Variants in SLC24A3 observed in about 807,000 individuals in gnomAD.
The protein encoded by SLC24A3 is solute carrier family 24 member 3, also known as sodium/potassium/calcium exchanger 3.
In SLC24A3, 28 loss-of-function variants were observed where a neutral mutation model predicts 75.8. That is an observed-to-expected ratio of 0.37 (90% CI 0.27 to 0.51). The LOEUF (loss-of-function observed/expected upper bound fraction) is 0.51, where lower values mean the gene tolerates loss of function less well. Among genes scored for constraint, SLC24A3 ranks in the 20% least tolerant of loss-of-function variants. The probability of loss-of-function intolerance (pLI) is 0.94; values close to 1 mark genes in which losing one functional copy is unlikely to be tolerated. For synonymous variants in SLC24A3, 372 were observed against 334.1 expected, an observed-to-expected ratio of 1.11 and a Z score of -1.24; for missense variants, 663 against 847.8, an observed-to-expected ratio of 0.78 and a Z score of 2.71.
intron 2 of SLC24A3, among the ~76,000 whole-genome samples, chr20:19,470,390 G>A (rs1987849701): frequency 6.6e-6 from 1 of 152,106 alleles, no homozygotes; most frequent in Admixed American, 6.5e-5. Context: ...TCTGAAAAGG[G>A]GGAGGGCTGA....
intron 2 of SLC24A3, among the ~76,000 whole-genome samples, chr20:19,326,164 A>G (rs1039426279): frequency 1.3e-5 from 2 of 151,940 alleles, no homozygotes; most frequent in African/African-American, 4.8e-5. Context: ...AGGGCCTGTA[A>G]GCAACAGATG....
chr20:19,530,197 A>C lies in SLC24A3; in HGVS notation c.348+14633A>C, dbSNP rs1407521553. Among the ~76,000 whole-genome samples the C allele has an allele frequency of 2.6e-5, 4 of 152,264 alleles. No homozygotes were observed. The East Asian group carries it at 7.7e-4, about 29-fold the overall frequency. On this transcript the variant is annotated intron_variant, in intron 3 of 16. Transcript: ENST00000328041. ...GCATGGAGACACAGCATGAAAGGGGAACGGAAGGGGTCTCCTGCACTGTAA... is the reference window on the plus strand; with the variant it reads ...GCATGGAGACACAGCATGAAAGGGGCACGGAAGGGGTCTCCTGCACTGTAA...
chr20:19,370,261 C>T (rs1462013285), intron 2 of SLC24A3, among the ~76,000 whole-genome samples: 1 of 152,180 alleles, frequency 6.6e-6, no homozygotes, highest in Non-Finnish European at 1.5e-5. Flanking sequence ...TCTGCTCACA[C>T]ATCATTTCCT....
chr20:19,457,473 T>C (rs1001235883), intron 2 of SLC24A3, among the ~76,000 whole-genome samples: 2 of 152,206 alleles, frequency 1.3e-5, no homozygotes, highest in Non-Finnish European at 2.9e-5. Flanking sequence ...TAAAAGAAAA[T>C]AGTATTTTTA....
chr20:19,705,005 G>A lies in SLC24A3; in HGVS notation c.1719+6325G>A, dbSNP rs535136758. ...CAAAGCACTGACAACTATTGCCAAA[G>A]CAAATCATGCCACAGCAGTCACCCA... On this transcript the variant is annotated intron_variant, in intron 15 of 16. Transcript: ENST00000328041. 3.9e-5 allele frequency among the ~76,000 whole-genome samples: 6 copies of A among 152,350 alleles called. No individual in the cohort carries two copies. In the South Asian group the frequency reaches 1.2e-3, roughly 32 times the overall value.
chr20:19,445,804 T>A (rs1318380916), intron 2 of SLC24A3, among the ~76,000 whole-genome samples: 1 of 152,152 alleles, frequency 6.6e-6, no homozygotes, highest in Non-Finnish European at 1.5e-5. Context: ...GGTGCTGACA[T>A]GGTCAAGGTG....
intron 2 of SLC24A3, among the ~76,000 whole-genome samples, chr20:19,405,156 A>G (rs186750339): frequency 6.6e-4 from 100 of 152,224 alleles, no homozygotes; most frequent in Middle Eastern, 3.4e-3. Flanking sequence ...TCTTAATTCC[A>G]AGGTGCAGTG....
intron 2 of SLC24A3, among the ~76,000 whole-genome samples, chr20:19,300,407 C>A (rs1984167147): frequency 6.6e-6 from 1 of 152,178 alleles, no homozygotes; most frequent in African/African-American, 2.4e-5. Context: ...TGGGTGAAGA[C>A]ACTTCCTAGG....
chr20:19,371,370 G>GAA (rs1985990176), intron 2 of SLC24A3, among the ~76,000 whole-genome samples: 1 of 92,858 alleles, frequency 1.1e-5, no homozygotes, highest in Non-Finnish European at 1.9e-5. Flanking sequence ...GGATCACCGA[G>GAA]CAGTCTGCTC....
intron 2 of SLC24A3, among the ~76,000 whole-genome samples, chr20:19,316,326 G>A (rs891346940): frequency 1.3e-5 from 2 of 152,228 alleles, no homozygotes; most frequent in Admixed American, 1.3e-4. Context: ...TAGAGCTGGA[G>A]TGAGAAGGGT....
chr20:19,569,270 C>T (rs2031011259), intron 3 of SLC24A3, among the ~76,000 whole-genome samples: 1 of 152,152 alleles, frequency 6.6e-6, no homozygotes, highest in African/African-American at 2.4e-5. Context: ...ATGCTTTGCA[C>T]GTACTTGTTT....
chr20:19,664,791 G>C (rs1311375440), intron 7 of SLC24A3, among the ~76,000 whole-genome samples: 1 of 152,196 alleles, frequency 6.6e-6, no homozygotes, highest in Non-Finnish European at 1.5e-5. Context: ...TGAGAAGAAA[G>C]AGCTATGAAC....
At chr20:19,497,903 T>C (rs1988319876) in intron 2 of SLC24A3, among the ~76,000 whole-genome samples, 1 of 152,118 alleles carries the variant, frequency 6.6e-6, no homozygotes, top group Non-Finnish European at 1.5e-5. Flanking sequence ...CCAGTACCAA[T>C]CCCTGGCCTG....
chr20:19,354,588 ATGTGTGTG>A (rs569362767), intron 2 of SLC24A3, among the ~76,000 whole-genome samples: 3 of 136,298 alleles, frequency 2.2e-5, no homozygotes, highest in South Asian at 2.3e-4. Context: ...AAATTTGTGT[ATGTGTGTG>A]TGTGTGTGTG....
intron 15 of SLC24A3, among the ~76,000 whole-genome samples, chr20:19,709,631 A>T (rs1351426894): frequency 6.6e-6 from 1 of 152,038 alleles, no homozygotes; most frequent in East Asian, 1.9e-4. Flanking sequence ...CAGAAAAAAA[A>T]AGTGCTAGGC....
intron 9 of SLC24A3, among the ~76,000 whole-genome samples, chr20:19,677,007 A>G (rs1171391470): frequency 6.6e-6 from 1 of 152,244 alleles, no homozygotes; most frequent in Non-Finnish European, 1.5e-5. Flanking sequence ...ATATTCCATG[A>G]GAACGGAATG....
chr20:19,318,443 A>G (rs1984632570), intron 2 of SLC24A3, among the ~76,000 whole-genome samples: 1 of 152,130 alleles, frequency 6.6e-6, no homozygotes, highest in South Asian at 2.1e-4. Context: ...AAACACTGGC[A>G]TCTCTGCCTG....
chr20:19,522,916 T>A (rs1791057763), intron 3 of SLC24A3, among the ~76,000 whole-genome samples: 1 of 152,230 alleles, frequency 6.6e-6, no homozygotes, highest in African/African-American at 2.4e-5. Context: ...TCTTACTTAT[T>A]TGTGATGAAA....
intron 6 of SLC24A3, among the ~76,000 whole-genome samples, chr20:19,622,781 G>C (rs1289326333): frequency 2.0e-5 from 3 of 152,196 alleles, no homozygotes; most frequent in Non-Finnish European, 2.9e-5. Context: ...TTATTTGGCT[G>C]TCAGTTCTGC....
Sources: gnomAD v4.1 joint callset for allele counts (sites outside exome capture counted in the v4.1 genomes callset) on GRCh38, gnomAD v4.1.1 for gene constraint, MANE v1.5 for transcripts, NCBI Gene and HGNC (gene_info 2026-07-23, HGNC 2026-07-21) for gene names.